LEKR1: variants seen among roughly 807,000 people sequenced by gnomAD.
LEKR1 encodes leucine, glutamate and lysine rich 1.
In LEKR1, 59 loss-of-function variants were observed where a neutral mutation model predicts 72.4. That is an observed-to-expected ratio of 0.82 (90% confidence interval 0.66 to 1.01). LEKR1 has a LOEUF of 1.01. Ranked by LOEUF, LEKR1 falls within the 50% of genes least tolerant of loss-of-function variation. The pLI is 0.00. For missense variants in LEKR1, 728 were observed against 759.2 expected (o/e 0.96, Z 0.48); for synonymous variants, 257 against 263.2 (o/e 0.98, Z 0.23).
chr3:157,027,015 G>T (rs913272764), intron 11 of LEKR1, among the ~76,000 whole-genome samples: 3 of 152,110 alleles, frequency 2.0e-5, no homozygotes, highest in African/African-American at 7.2e-5. Context: ...CGTCATGATA[G>T]CCACATGTGG....
intron 5 of LEKR1, among the ~76,000 whole-genome samples, chr3:156,939,063 C>A (rs1225959125): frequency 2.0e-5 from 3 of 152,132 alleles, no homozygotes; most frequent in Non-Finnish European, 2.9e-5. Context: ...TTTTAAATAA[C>A]AAATATTCTA....
At chr3:156,850,546 C>A (rs991542468) in intron 2 of LEKR1, among the ~76,000 whole-genome samples, 2 of 152,188 alleles carry the variant, frequency 1.3e-5, no homozygotes, top group Admixed American at 6.6e-5. Context: ...CTCATCTCAG[C>A]TTCTGTCTCT....
chr3:156,835,795 CCCTTCCTT>C (rs202017972), intron 2 of LEKR1, among the ~76,000 whole-genome samples: 1 of 150,592 alleles, frequency 6.6e-6, no homozygotes, highest in Non-Finnish European at 1.5e-5. Context: ...ATTCCTTCCT[CCCTTCCTT>C]CCTTCCTTCC....
chr3:157,035,363 T>A (rs1452218758), intron 12 of LEKR1, among the ~76,000 whole-genome samples: 1 of 152,044 alleles, frequency 6.6e-6, no homozygotes, highest in East Asian at 1.9e-4. Context: ...TCCTCCCAGT[T>A]CCCAAGAAGC....
intron 3 of LEKR1, among the ~76,000 whole-genome samples, chr3:156,919,068 G>A (rs1314500647): frequency 2.0e-5 from 3 of 152,162 alleles, no homozygotes; most frequent in South Asian, 2.1e-4. Context: ...GTTAAAATAC[G>A]AGAGAGAGGT....
chr3:156,962,479 G>T (rs372384941), intron 6 of LEKR1, among the ~76,000 whole-genome samples: 105 of 152,320 alleles, frequency 6.9e-4, no homozygotes, highest in Middle Eastern at 6.8e-3. Context: ...TGCAAGCCAG[G>T]CAGTATTAAC....
At chr3:156,868,030 C>G (rs937622904) in intron 3 of LEKR1, among the ~76,000 whole-genome samples, 8 of 152,034 alleles carry the variant, frequency 5.3e-5, no homozygotes, top group Non-Finnish European at 1.0e-4. Flanking sequence ...CAGTGTAACT[C>G]TTGCTGATAC....
chr3:156,903,181 A>G (rs1353077067), intron 3 of LEKR1, among the ~76,000 whole-genome samples: 1 of 152,160 alleles, frequency 6.6e-6, no homozygotes, highest in Non-Finnish European at 1.5e-5. Flanking sequence ...GTCTATAAAA[A>G]TGAATATTCC....
At chr3:156,892,153 A>G (rs957450485) in intron 3 of LEKR1, among the ~76,000 whole-genome samples, 1 of 152,124 alleles carries the variant, frequency 6.6e-6, no homozygotes, top group Admixed American at 6.6e-5. Context: ...AGGGGATAAG[A>G]AGAAGAAAGG....
chr3:156,878,202 T>G (rs1183565394), intron 3 of LEKR1, among the ~76,000 whole-genome samples: 1 of 152,200 alleles, frequency 6.6e-6, no homozygotes, highest in Non-Finnish European at 1.5e-5. Context: ...TCTAGCTCCT[T>G]GAGGTGTGAC....
chr3:156,915,373 AGT>A (rs1344261117), intron 3 of LEKR1, among the ~76,000 whole-genome samples: 1 of 151,752 alleles, frequency 6.6e-6, no homozygotes, highest in African/African-American at 2.4e-5. Context: ...TCCCACCAAG[AGT>A]GTATAAGCAT....
At chr3:156,976,771 A>G (rs1369658881) in intron 6 of LEKR1, among the ~76,000 whole-genome samples, 2 of 152,198 alleles carry the variant, frequency 1.3e-5, no homozygotes, top group Non-Finnish European at 2.9e-5. Flanking sequence ...GAACTTTAGG[A>G]TCAGGCAGAC....
chr3:156,859,897 C>G (rs1716568961), intron 3 of LEKR1, among the ~76,000 whole-genome samples: 1 of 152,164 alleles, frequency 6.6e-6, no homozygotes, highest in Non-Finnish European at 1.5e-5. Flanking sequence ...CCCTACTCAG[C>G]TAGGTGGATT....
At chr3:156,870,722 A>G (rs535728085) in intron 3 of LEKR1, among the ~76,000 whole-genome samples, 2 of 152,024 alleles carry the variant, frequency 1.3e-5, no homozygotes, top group Non-Finnish European at 2.9e-5. Flanking sequence ...GTGGAATAGG[A>G]GTAGTGAAAG....
At chr3:157,020,980 G>A (rs1733789538) in intron 10 of LEKR1, among the ~76,000 whole-genome samples, 2 of 151,162 alleles carry the variant, frequency 1.3e-5, no homozygotes. Context: ...TCTAACTGGT[G>A]GGAGATGGTA....
intron 3 of LEKR1, among the ~76,000 whole-genome samples, chr3:156,864,772 CTT>C (rs1233077568): frequency 2.6e-5 from 4 of 152,122 alleles, no homozygotes; most frequent in Admixed American, 1.3e-4. Flanking sequence ...CTAAAACACT[CTT>C]ATTTCATATC....
intron 6 of LEKR1, among the ~76,000 whole-genome samples, chr3:156,946,286 T>C (rs972248398): frequency 2.0e-5 from 3 of 151,768 alleles, no homozygotes; most frequent in Admixed American, 6.6e-5. Context: ...TTTTGTATGT[T>C]GATTCTGTAT....
At chr3:156,869,461 C>G (rs1392766121) in intron 3 of LEKR1, among the ~76,000 whole-genome samples, 1 of 151,988 alleles carries the variant, frequency 6.6e-6, no homozygotes, top group African/African-American at 2.4e-5. Flanking sequence ...TAGTGATGAA[C>G]ATTTTTTCTT....
At chr3:157,032,020 C>G (rs1734646577) in intron 12 of LEKR1, among the ~76,000 whole-genome samples, 1 of 150,376 alleles carries the variant, frequency 6.6e-6, no homozygotes. Context: ...TAAATGTGAA[C>G]AAGGAGTCCC....
Sources: gnomAD v4.1 joint callset for allele counts (sites outside exome capture counted in the v4.1 genomes callset) on GRCh38, gnomAD v4.1.1 for gene constraint, MANE v1.5 for transcripts, NCBI Gene and HGNC (gene_info 2026-07-23, HGNC 2026-07-21) for gene names.